TMEM131: variants seen among roughly 807,000 people sequenced by gnomAD.
TMEM131 encodes transmembrane protein 131, also known as 2610524E03Rik.
A neutral mutation model predicts 211.6 loss-of-function variants in TMEM131; 66 were observed. That is an observed-to-expected ratio of 0.31 (90% CI 0.26 to 0.38). The LOEUF is 0.38. Ranked by LOEUF, TMEM131 falls within the 10% of genes least tolerant of loss-of-function variation. TMEM131 has a pLI of 1.00. For synonymous variants in TMEM131, 844 were observed against 841.3 expected, an observed-to-expected ratio of 1.00 and a Z score of -0.06; for missense variants, 2,036 against 2,299.3, an observed-to-expected ratio of 0.89 and a Z score of 2.34.
chr2:97,853,376 C>T (rs956665311), intron 5 of TMEM131, among the ~76,000 whole-genome samples: 1 of 148,570 alleles, frequency 6.7e-6, no homozygotes, highest in Admixed American at 6.7e-5. Flanking sequence ...GGGTGGATCA[C>T]CTGAAGTCAG....
intron 3 of TMEM131, among the ~76,000 whole-genome samples, chr2:97,899,828 T>C (rs896823631): frequency 6.6e-6 from 1 of 152,154 alleles, no homozygotes; most frequent in Non-Finnish European, 1.5e-5. Context: ...TATGTACACA[T>C]TGTAGAATGG....
intron 22 of TMEM131, among the ~76,000 whole-genome samples, chr2:97,803,407 T>C (rs888173889): frequency 1.1e-4 from 16 of 152,202 alleles, no homozygotes; most frequent in African/African-American, 3.9e-4. Context: ...ATGTAAAGTT[T>C]TCAGCAATAT....
chr2:97,762,914 T>C (rs1158398814), intron 35 of TMEM131: 1 of 152,328 alleles, frequency 6.6e-6, no homozygotes, highest in East Asian at 1.9e-4. Context: ...AACGGAAATA[T>C]GTATACCTTT....
chr2:97,766,732 C>G (rs1679187858), intron 33 of TMEM131, 130 bp from the exon 34 acceptor site: 1 of 1,120,442 alleles, frequency 8.9e-7, no homozygotes, highest in Non-Finnish European at 1.3e-6. Flanking sequence ...GGGGCGTTAT[C>G]TACCCTTGGT....
At chr2:97,803,977 T>C (rs190035236) in intron 22 of TMEM131, among the ~76,000 whole-genome samples, 73 of 152,342 alleles carry the variant, frequency 4.8e-4, no homozygotes, top group Admixed American at 9.2e-4. Context: ...ATTTTAACCA[T>C]CTTTTTAAAG....
chr2:97,772,297 C>A lies in TMEM131; in HGVS notation c.4448G>T (p.Ser1483Ile). The change falls in exon 33 of 41, where the codon AGT (serine) becomes ATT (isoleucine). Residue 1483 changes from serine to isoleucine, a missense_variant and splice_region_variant. Physicochemically the swap from Ser to Ile is moderately radical, Grantham distance 142. Around this residue, in one of 3 missense-constraint regions of TMEM131, gnomAD observed 1,623 missense variants for 1,805.9 expected, o/e 0.90. Transcript: ENST00000186436. Reference protein sequence around the residue: ...KKEIPTDVKPSSLELPYTPPL... With the variant: ...KKEIPTDVKPISLELPYTPPL... Reference sequence around the variant, plus strand: ...TTCTCTGTACACTTATTTCTCTCACCTGGGTTTCACATCTGTTGGGATTTC... The same window carrying A: ...TTCTCTGTACACTTATTTCTCTCACATGGGTTTCACATCTGTTGGGATTTC... 1 of 1,599,494 alleles carries A rather than the reference C, an allele frequency of 6.3e-7. No individual in the cohort carries two copies.
Position 97,802,633 on chromosome 2 carries a change from T to C in TMEM131, c.2541+19A>G. On this transcript the variant is annotated intron_variant, in intron 23 of 40. Transcript: ENST00000186436. The stretch of plus-strand genomic sequence containing the variant: ...CCTAGTATGTATTTCCAAAAACCAA[T>C]GTCACTTTGAATACTTACTGAGGAG... 2 of 1,611,440 alleles carry C rather than the reference T, an allele frequency of 1.2e-6. No homozygotes were observed. Among genetic ancestry groups the C allele is most frequent in the South Asian group, 1.1e-5 (1 of 90,398 alleles).
chr2:97,820,913 C>A (rs989186991), intron 11 of TMEM131, among the ~76,000 whole-genome samples: 2 of 151,186 alleles, frequency 1.3e-5, no homozygotes, highest in Admixed American at 6.6e-5. Flanking sequence ...ATCCCATCAT[C>A]TACAACATTT....
chr2:97,943,148 T>C (rs1409812667), intron 1 of TMEM131, among the ~76,000 whole-genome samples: 1 of 151,928 alleles, frequency 6.6e-6, no homozygotes, highest in Non-Finnish European at 1.5e-5. Context: ...CTCAGGAGGC[T>C]GAGGCAGAAA....
intron 31 of TMEM131, among the ~76,000 whole-genome samples, chr2:97,778,550 C>CAA (rs555222671): frequency 1.5e-5 from 2 of 129,268 alleles, no homozygotes; most frequent in East Asian, 2.2e-4. Flanking sequence ...GACTTCATCT[C>CAA]AAAAAAAAAA....
rs1346129062 is a variant in TMEM131, at chr2:97,994,488, G to A, written c.187+988C>T. Among the ~76,000 whole-genome samples the A allele has an allele frequency of 2.0e-5, 3 of 152,224 alleles. 1 individual carries two copies. The highest frequency in any genetic ancestry group is 4.1e-4 in the South Asian group (2 of 4,826). On this transcript the variant is annotated intron_variant, in intron 1 of 40. Coordinates refer to ENST00000186436, the MANE Select transcript of TMEM131 (RefSeq NM_015348.2). ...CCTTCAGCAACAATAAAAAGCAAGTGACTTTAGTCATAAAGTAGAATGTTA... is the reference window on the plus strand; with the variant it reads ...CCTTCAGCAACAATAAAAAGCAAGTAACTTTAGTCATAAAGTAGAATGTTA...
At chr2:97,818,778 CCTTATA>C (rs1168571291) in intron 11 of TMEM131, 57 bp from the exon 12 acceptor site, 4 of 1,168,190 alleles carry the variant, frequency 3.4e-6, no homozygotes, top group Non-Finnish European at 3.7e-6. Context: ...GGTTCAGTTG[CCTTATA>C]CTTATACTGG....
chr2:97,974,837 C>T (rs566969311), intron 1 of TMEM131, among the ~76,000 whole-genome samples: 1 of 152,094 alleles, frequency 6.6e-6, no homozygotes, highest in South Asian at 2.1e-4. Flanking sequence ...CAGATCCACA[C>T]TACAAAAAAA....
At chr2:97,883,382 G>A (rs1056993309) in intron 4 of TMEM131, among the ~76,000 whole-genome samples, 1 of 152,096 alleles carries the variant, frequency 6.6e-6, no homozygotes, top group African/African-American at 2.4e-5. Flanking sequence ...ACCCTTGCTT[G>A]TACTGGAGTT....
At chr2:97,886,688 C>A (rs1211274263) in intron 4 of TMEM131, among the ~76,000 whole-genome samples, 1 of 152,132 alleles carries the variant, frequency 6.6e-6, no homozygotes, top group Non-Finnish European at 1.5e-5. Context: ...AGCTTGGAAT[C>A]TGGCCAACTT....
chr2:97,900,459 T>C (rs1675804788), intron 3 of TMEM131, among the ~76,000 whole-genome samples: 1 of 152,046 alleles, frequency 6.6e-6, no homozygotes, highest in Non-Finnish European at 1.5e-5. Flanking sequence ...TTTAACATAA[T>C]GTCCTCCAAG....
intron 3 of TMEM131, among the ~76,000 whole-genome samples, chr2:97,892,395 C>T (rs1477953603): frequency 1.3e-5 from 2 of 152,118 alleles, no homozygotes; most frequent in South Asian, 2.1e-4. Flanking sequence ...CTCACTCTGT[C>T]GCCCATGCTG....
chr2:97,776,521 T>C (rs1323956111), intron 31 of TMEM131, among the ~76,000 whole-genome samples: 4 of 152,242 alleles, frequency 2.6e-5, no homozygotes, highest in East Asian at 1.9e-4. Flanking sequence ...AAATCAACTT[T>C]ACTGAGATAC....
intron 1 of TMEM131, among the ~76,000 whole-genome samples, chr2:97,977,291 T>C (rs1679584248): frequency 6.6e-6 from 1 of 152,148 alleles, no homozygotes; most frequent in Admixed American, 6.5e-5. Context: ...ACCCAGAACA[T>C]ATAAAGAACT....
Sources: allele counts gnomAD v4.1 joint callset (sites outside exome capture counted in the v4.1 genomes callset), GRCh38; gene constraint gnomAD v4.1.1; regional missense constraint gnomAD v4.1.1; transcripts MANE v1.5; gene names NCBI Gene and HGNC (gene_info 2026-07-23, HGNC 2026-07-21).